Variants in CCT6B observed in about 807,000 individuals in gnomAD.
CCT6B encodes the protein probable T-complex protein 1 subunit zeta-2.
Under a neutral mutation model 61.5 loss-of-function variants are expected in CCT6B, and 49 were observed. That is an observed-to-expected ratio of 0.80 (90% CI 0.63 to 1.01). The LOEUF (loss-of-function observed/expected upper bound fraction) is 1.01. CCT6B is among the 50% of genes least tolerant of loss of function. CCT6B has a pLI of 0.00. For synonymous variants in CCT6B, 228 were observed against 214.5 expected, an observed-to-expected ratio of 1.06 and a Z score of -0.55; for missense variants, 666 against 634.7, an observed-to-expected ratio of 1.05 and a Z score of -0.53.
intron 10 of CCT6B, among the ~76,000 whole-genome samples, chr17:34,936,299 G>A (rs2090093179): frequency 6.6e-6 from 1 of 152,214 alleles, no homozygotes; most frequent in East Asian, 1.9e-4. Context: ...GCAGAAGGGA[G>A]AACTTCCTCA....
intron 3 of CCT6B, among the ~76,000 whole-genome samples, chr17:34,955,431 T>C (rs1443251299): frequency 6.6e-6 from 1 of 152,176 alleles, no homozygotes; most frequent in Non-Finnish European, 1.5e-5. Context: ...ATTTAGATCA[T>C]GTCTGCAACA....
At position 34,942,521 on chromosome 17, in the gene CCT6B, G is replaced by A. The variant is rs1252666493; in HGVS notation, c.848C>T (p.Ala283Val). Residue 283 changes from alanine (A) to valine (V), a missense_variant, in exon 7 of 14, where the codon GCT (alanine) becomes GTT (valine). Ala to Val is a moderately conservative substitution (Grantham distance 64). Transcript: ENST00000314144. Reference protein sequence around the residue: ...KIIDLKDKVCAQSNKGFVVIN... With the variant: ...KIIDLKDKVCVQSNKGFVVIN... ...GACGACAAATCCTTTATTTGACTGA[G>A]CACAGACTTTGTCCTTCAGGTCTAT... 6.2e-7 allele frequency: 1 copy of A among 1,600,752 alleles called. No individual in the cohort carries two copies. The highest frequency in any genetic ancestry group is 1.4e-5 in the African/African-American group (1 of 73,858).
At chr17:34,955,087 C>T (rs1455405266) in intron 3 of CCT6B, among the ~76,000 whole-genome samples, 1 of 152,132 alleles carries the variant, frequency 6.6e-6, no homozygotes, top group Non-Finnish European at 1.5e-5. Context: ...AATCTGTAAC[C>T]TAAGTTTAAT....
chr17:34,947,056 G>A (rs1392320952), intron 5 of CCT6B, among the ~76,000 whole-genome samples: 1 of 152,140 alleles, frequency 6.6e-6, no homozygotes, highest in East Asian at 1.9e-4. Context: ...TTTAAATCAA[G>A]GGACTGGTTT....
intron 11 of CCT6B, among the ~76,000 whole-genome samples, chr17:34,931,696 A>C (rs1307986329): frequency 1.3e-5 from 2 of 152,192 alleles, no homozygotes; most frequent in African/African-American, 4.8e-5. Context: ...TAATTCACAA[A>C]GATTTCACAA....
chr17:34,930,879 T>C (rs868448196), intron 12 of CCT6B, 70 bp downstream of exon 12: 3 of 735,820 alleles, frequency 4.1e-6, no homozygotes, highest in African/African-American at 3.4e-5. Context: ...CTCTACTCCT[T>C]TACCATAAGA....
chr17:34,929,134 T>C, intron 12 of CCT6B, 100 bp from the exon 13 acceptor site: 1 of 732,086 alleles, frequency 1.4e-6, no homozygotes, highest in Non-Finnish European at 2.3e-6. Context: ...AAAACTACTT[T>C]TGTCAAGGTC....
chr17:34,942,695 AG>A (rs1359374263), intron 6 of CCT6B, 52 bp from the exon 7 acceptor site: 3 of 1,505,764 alleles, frequency 2.0e-6, no homozygotes, highest in Non-Finnish European at 2.7e-6. Context: ...AAAGGAAAAA[AG>A]ATAGAAGTAG....
chr17:34,953,223 A>G (rs2090311324), intron 4 of CCT6B, among the ~76,000 whole-genome samples: 1 of 151,824 alleles, frequency 6.6e-6, no homozygotes, highest in South Asian at 2.1e-4. Context: ...TTCAAGTTTC[A>G]GAAATTACAA....
At chr17:34,954,034 C>T (rs2090321413) in intron 4 of CCT6B, among the ~76,000 whole-genome samples, 1 of 152,102 alleles carries the variant, frequency 6.6e-6, no homozygotes, top group African/African-American at 2.4e-5. Flanking sequence ...TATCATATCA[C>T]ATTTCATTAT....
In CCT6B at chr17:34,939,733, A is replaced by G; in HGVS notation, c.969-20T>C. 4 of 1,434,556 alleles carry G rather than the reference A, an allele frequency of 2.8e-6. No homozygotes were observed. Among genetic ancestry groups the G allele is most frequent in the Non-Finnish European group, 3.9e-6 (4 of 1,016,598 alleles). 88.9% of individuals were successfully genotyped at this position (1,434,556 alleles called of 1,614,324 possible). On this transcript the variant is annotated intron_variant, in intron 8 of 13. Transcript: ENST00000314144. ...GAGAGTCTGAAATTACATATATGTC[A>G]CCATAGCTTGATTATGGAGAACATT...
In CCT6B at chr17:34,961,279, C is replaced by A. The variant is rs757997719; in HGVS notation, c.115G>T (p.Gly39Cys). ...CACATTTTCATGGTGCCTTTAGGAC[C>A]CAAGTTGGTCCGCAGCACATCCTGC... Reference protein sequence around the residue: ...GLQDVLRTNLGPKGTMKMLVS... With the variant: ...GLQDVLRTNLCPKGTMKMLVS... Residue 39 changes from glycine to cysteine, a missense_variant, in exon 1 of 14, where the codon GGT becomes TGT. Transcript: ENST00000314144. The A allele has an allele frequency of 2.5e-6, 4 of 1,611,566 alleles. No individual in the cohort carries two copies. The highest frequency in any genetic ancestry group is 3.4e-6 in the Non-Finnish European group (4 of 1,179,224).
At chr17:34,929,491 C>CTTTTTTTTTTTTTTTTTTTTTTTT (rs112985335) in intron 12 of CCT6B, among the ~76,000 whole-genome samples, 1 of 126,768 alleles carries the variant, frequency 7.9e-6, no homozygotes, top group Non-Finnish European at 1.6e-5. Context: ...TGTTTTCTTT[C>CTTTTTTTTTTTTTTTTTTTTTTTT]TTTTTTTTTT....
chr17:34,928,911 T>C (rs1487504228), intron 13 of CCT6B, 51 bp downstream of exon 13: 2 of 1,027,570 alleles, frequency 1.9e-6, no homozygotes. Context: ...CATCTTAATA[T>C]TATCAATTAT....
At chr17:34,949,240 G>C (rs1357530699) in intron 5 of CCT6B, among the ~76,000 whole-genome samples, 2 of 152,024 alleles carry the variant, frequency 1.3e-5, no homozygotes, top group African/African-American at 4.8e-5. Flanking sequence ...CGGATCGCCT[G>C]AGGTCGGGAG....
At position 34,961,414 on chromosome 17, in the gene CCT6B, G is replaced by C; in HGVS notation, c.-21C>G. ...GCCATAGCCTAACCGTTCAGAGGGA[G>C]AAAAAAAAAAAGCCTTAGTCGCGAT... On this transcript the variant is annotated 5_prime_UTR_variant, in exon 1 of 14. Coordinates refer to ENST00000314144, the MANE Select transcript of CCT6B (RefSeq NM_006584.4). 1.6e-6 allele frequency: 2 copies of C among 1,233,346 alleles called. No homozygotes were observed. Among genetic ancestry groups the C allele is most frequent in the Non-Finnish European group, 2.2e-6 (2 of 905,792 alleles). 76.4% of individuals were successfully genotyped at this position (1,233,346 alleles called of 1,614,324 possible).
intron 10 of CCT6B, among the ~76,000 whole-genome samples, chr17:34,934,907 T>C (rs145992389): frequency 1.3e-5 from 2 of 152,294 alleles, no homozygotes; most frequent in Middle Eastern, 3.4e-3. Flanking sequence ...TGAATACATA[T>C]GTAAAAATTC....
In CCT6B at chr17:34,954,746, T is replaced by G. The variant is rs575270920; in HGVS notation, c.337-147A>C. 4.9e-6 allele frequency: 3 copies of G among 606,554 alleles called. No homozygotes were observed. The African/African-American group carries it at 5.8e-5, about 12-fold the overall frequency. The allele number at this position is 606,554 out of a possible 1,614,324, so 37.6% of individuals were successfully genotyped here. On this transcript the variant is annotated intron_variant, in intron 3 of 13. Transcript: ENST00000314144. The stretch of plus-strand genomic sequence containing the variant: ...ACATAATTTATAAAAGTCATTTTAG[T>G]GCTTCATACTTGAAATAATCTCAAC...
intron 2 of CCT6B, 150 bp downstream of exon 2, chr17:34,959,437 A>C (rs903477874): frequency 9.0e-6 from 5 of 556,266 alleles, no homozygotes; most frequent in Non-Finnish European, 1.6e-5. Flanking sequence ...GGCCAAAAAA[A>C]TTTTTTTATT....
Sources: gnomAD v4.1 joint callset for allele counts (sites outside exome capture counted in the v4.1 genomes callset) on GRCh38, gnomAD v4.1.1 for gene constraint, MANE v1.5 for transcripts, NCBI Gene and HGNC (gene_info 2026-07-23, HGNC 2026-07-21) for gene names.